KCNMB2: variants seen among roughly 807,000 people sequenced by gnomAD.
The protein encoded by KCNMB2 is potassium calcium-activated channel subfamily M regulatory beta subunit 2, also known as calcium-activated potassium channel subunit beta-2.
KCNMB2 carries 9 observed loss-of-function variants against 24.5 expected under a neutral mutation model. The ratio of observed to expected loss-of-function variants is 0.37; its 90% CI spans 0.22 to 0.64. KCNMB2 has a LOEUF of 0.64. Ranked by LOEUF, KCNMB2 falls within the 30% of genes least tolerant of loss-of-function variation. KCNMB2 has a pLI of 0.63. For missense variants in KCNMB2, 226 were observed against 284.3 expected (o/e 0.79, Z 1.47); for synonymous variants, 109 against 104.4 (o/e 1.04, Z -0.27).
rs529313900 is a variant in KCNMB2, at chr3:178,721,759, G to A, written c.-67-85584G>A. On this transcript the variant is annotated intron_variant, in intron 1 of 4. Transcript: ENST00000452583. ...AAGTATTAATTGTCAGTGTGTTTCC[G>A]CTTTCGCCATTTTAATCAATGTGTC... 7.5e-4 allele frequency among the ~76,000 whole-genome samples: 114 copies of A among 152,168 alleles called. 1 individual carries two copies. The South Asian group carries it at 0.016, about 22-fold the overall frequency.
chr3:178,667,308 T>C (rs1338501349), intron 1 of KCNMB2, among the ~76,000 whole-genome samples: 1 of 152,096 alleles, frequency 6.6e-6, no homozygotes, highest in East Asian at 1.9e-4. Flanking sequence ...AATGTGATAG[T>C]CAAGGCCTAG....
intron 1 of KCNMB2, among the ~76,000 whole-genome samples, chr3:178,633,288 C>T (rs1037583906): frequency 6.6e-6 from 1 of 152,178 alleles, no homozygotes; most frequent in Non-Finnish European, 1.5e-5. Context: ...GGGATTCAAC[C>T]CACATTTCCC....
intron 1 of KCNMB2, among the ~76,000 whole-genome samples, chr3:178,757,413 TATATATATATGTATATATATCCAAGAGG>T (rs1724133000): frequency 6.2e-5 from 3 of 48,716 alleles, no homozygotes; most frequent in African/African-American, 3.2e-4. Flanking sequence ...TCCAAGAGGA[TATATATATATGTATATATATCCAAGAGG>T]ATATATATAT....
At chr3:178,590,536 T>C (rs994359247) in intron 1 of KCNMB2, among the ~76,000 whole-genome samples, 3 of 152,238 alleles carry the variant, frequency 2.0e-5, no homozygotes, top group African/African-American at 7.2e-5. Flanking sequence ...TCCTACCACT[T>C]GGAAATAATA....
intron 1 of KCNMB2, among the ~76,000 whole-genome samples, chr3:178,688,474 A>T (rs57450043): frequency 0.22 from 33,074 of 152,004 alleles, 3,700 homozygotes; most frequent in Middle Eastern, 0.39. Flanking sequence ...GAAGAGACCA[A>T]GGAATAGAAA....
intron 1 of KCNMB2, among the ~76,000 whole-genome samples, chr3:178,609,160 C>T (rs895125408): frequency 3.9e-5 from 6 of 152,124 alleles, no homozygotes; most frequent in Non-Finnish European, 8.8e-5. Flanking sequence ...TTTGTTATTG[C>T]CTGTTTTTTG....
At chr3:178,800,142 A>C (rs549756919) in intron 1 of KCNMB2, among the ~76,000 whole-genome samples, 1 of 152,240 alleles carries the variant, frequency 6.6e-6, no homozygotes, top group East Asian at 1.9e-4. Flanking sequence ...GCAGTACCCC[A>C]AAAACACAGG....
chr3:178,718,655 T>C (rs1722696826), intron 1 of KCNMB2, among the ~76,000 whole-genome samples: 1 of 152,202 alleles, frequency 6.6e-6, no homozygotes, highest in Non-Finnish European at 1.5e-5. Context: ...CACTGGGAGA[T>C]TGCTCTAGAC....
intron 1 of KCNMB2, among the ~76,000 whole-genome samples, chr3:178,726,948 GATCAC>G (rs1345263562): frequency 6.6e-6 from 1 of 151,546 alleles, no homozygotes; most frequent in African/African-American, 2.4e-5. Flanking sequence ...ATTCTGTTGC[GATCAC>G]ATTTTCATTA....
intron 1 of KCNMB2, among the ~76,000 whole-genome samples, chr3:178,558,057 GCAAGAGAGAAAAAAAAA>G (rs1373951228): frequency 1.7e-4 from 26 of 152,122 alleles, no homozygotes; most frequent in Non-Finnish European, 8.8e-5. Flanking sequence ...TTAGCTCTTT[GCAAGAGAGAAAAAAAAA>G]CTATGTGCAA....
At chr3:178,761,264 A>T (rs528510689) in intron 1 of KCNMB2, among the ~76,000 whole-genome samples, 1 of 152,332 alleles carries the variant, frequency 6.6e-6, no homozygotes, top group East Asian at 1.9e-4. Context: ...GTTTCAAGGC[A>T]GTTTCCTGTG....
intron 1 of KCNMB2, among the ~76,000 whole-genome samples, chr3:178,751,808 C>A (rs963159229): frequency 6.6e-6 from 1 of 152,158 alleles, no homozygotes; most frequent in Non-Finnish European, 1.5e-5. Context: ...AAGTGTTGTG[C>A]CAACTTCAAA....
At chr3:178,814,742 T>A (rs1052746979) in intron 2 of KCNMB2, among the ~76,000 whole-genome samples, 6 of 152,338 alleles carry the variant, frequency 3.9e-5, no homozygotes, top group Middle Eastern at 3.4e-3. Context: ...CTTTTTCATG[T>A]TTATTGGCTT....
At chr3:178,544,798 C>T (rs571141263) in intron 1 of KCNMB2, among the ~76,000 whole-genome samples, 1 of 152,202 alleles carries the variant, frequency 6.6e-6, no homozygotes, top group East Asian at 1.9e-4. Context: ...AAATATGCAA[C>T]TAAAATTTTA....
chr3:178,697,898 GT>G (rs35782704), intron 1 of KCNMB2, among the ~76,000 whole-genome samples: 1 of 150,778 alleles, frequency 6.6e-6, no homozygotes, highest in African/African-American at 2.4e-5. Context: ...TGGGTTAAAA[GT>G]TTTTTTTTTA....
chr3:178,668,765 T>C (rs1295971562), intron 1 of KCNMB2, among the ~76,000 whole-genome samples: 1 of 152,214 alleles, frequency 6.6e-6, no homozygotes, highest in Non-Finnish European at 1.5e-5. Flanking sequence ...AAGCTATGAT[T>C]ACTTATAATG....
intron 1 of KCNMB2, among the ~76,000 whole-genome samples, chr3:178,798,939 A>C (rs556458171): frequency 4.6e-5 from 7 of 152,050 alleles, no homozygotes; most frequent in African/African-American, 1.7e-4. Context: ...TTGGTCACTG[A>C]CTCAAAAATA....
chr3:178,562,402 G>C (rs1716353731), intron 1 of KCNMB2, among the ~76,000 whole-genome samples: 1 of 152,182 alleles, frequency 6.6e-6, no homozygotes, highest in African/African-American at 2.4e-5. Flanking sequence ...ACAGGATTCT[G>C]GGAAGGGAAG....
intron 1 of KCNMB2, among the ~76,000 whole-genome samples, chr3:178,752,301 G>T (rs536811457): frequency 6.6e-6 from 1 of 152,104 alleles, no homozygotes; most frequent in Non-Finnish European, 1.5e-5. Flanking sequence ...ATTGAGCTGC[G>T]CCTTTAAGAA....
Sources: gnomAD v4.1 joint callset for allele counts (sites outside exome capture counted in the v4.1 genomes callset) on GRCh38, gnomAD v4.1.1 for gene constraint, MANE v1.5 for transcripts, NCBI Gene and HGNC (gene_info 2026-07-23, HGNC 2026-07-21) for gene names.